Variants in TEX14 observed in about 807,000 individuals in gnomAD.
The protein encoded by TEX14 is inactive serine/threonine-protein kinase TEX14.
Under a neutral mutation model 178.6 loss-of-function variants are expected in TEX14, and 168 were observed. The ratio of observed to expected loss-of-function variants is 0.94; its 90% CI spans 0.83 to 1.07. The LOEUF (loss-of-function observed/expected upper bound fraction) is 1.07. Among genes scored for constraint, TEX14 ranks in the 50% least tolerant of loss-of-function variants. The pLI, the probability that TEX14 is intolerant of heterozygous loss-of-function variation, is 0.00. For missense variants in TEX14, 1,730 were observed against 1,753.6 expected, an observed-to-expected ratio of 0.99 and a Z score of 0.24; for synonymous variants, 626 against 634.1, an observed-to-expected ratio of 0.99 and a Z score of 0.19.
Position 58,621,723 on chromosome 17 carries a change from C to A in TEX14, c.481G>T (p.Asp161Tyr). 2.5e-6 allele frequency: 4 copies of A among 1,614,134 alleles called. No individual in the cohort carries two copies. The highest frequency in any genetic ancestry group is 2.5e-6 in the Non-Finnish European group (3 of 1,180,010). The change falls in exon 5 of 32, where the codon GAC (aspartate) becomes TAC (tyrosine). Residue 161 changes from aspartate (D) to tyrosine (Y), a missense_variant. This residue lies in a region of TEX14 where 789 missense variants were observed against 681.2 expected (regional missense o/e 1.16). Transcript: ENST00000349033. ...MQAIIQGFSYDLLKKIDSPQR... is the reference protein window; with the variant it reads ...MQAIIQGFSYYLLKKIDSPQR... Reference sequence around the variant, plus strand: ...GGGGAGTCTATCTTCTTCAGGAGGTCGTAAGAGAAGCCCTGGATGATGGCC... The same window carrying A: ...GGGGAGTCTATCTTCTTCAGGAGGTAGTAAGAGAAGCCCTGGATGATGGCC...
chr17:58,612,431 T>A (rs189544932), intron 9 of TEX14, among the ~76,000 whole-genome samples: 2 of 151,938 alleles, frequency 1.3e-5, no homozygotes, highest in African/African-American at 2.4e-5. Flanking sequence ...TCTATTAAAA[T>A]TTTAAAAATT....
chr17:58,628,668 C>T (rs952366849), intron 3 of TEX14, among the ~76,000 whole-genome samples: 2 of 151,090 alleles, frequency 1.3e-5, no homozygotes. Context: ...GCCGAGATTG[C>T]GCCACTGCAC....
chr17:58,631,802 C>T (rs554200054), intron 2 of TEX14: 7 of 152,008 alleles, frequency 4.6e-5, no homozygotes, highest in Non-Finnish European at 7.4e-5. Context: ...CCTCGAGAAA[C>T]ACACTATAGA....
chr17:58,652,906 T>G (rs528841864), intron 1 of TEX14, among the ~76,000 whole-genome samples: 1 of 152,230 alleles, frequency 6.6e-6, no homozygotes, highest in African/African-American at 2.4e-5. Flanking sequence ...ATCTGTAACA[T>G]GGGGATAATA....
At chr17:58,673,032 G>A (rs576113094) in intron 1 of TEX14, among the ~76,000 whole-genome samples, 3 of 151,838 alleles carry the variant, frequency 2.0e-5, no homozygotes, top group African/African-American at 4.8e-5. Flanking sequence ...ACGCTCAGCC[G>A]GCATTCCTTT....
At chr17:58,577,745 G>A (rs1343749446) in intron 20 of TEX14, among the ~76,000 whole-genome samples, 1 of 152,198 alleles carries the variant, frequency 6.6e-6, no homozygotes, top group African/African-American at 2.4e-5. Flanking sequence ...TATTTCTGAA[G>A]ACAAATGTTG....
chr17:58,682,867 C>T (rs1195468938), intron 1 of TEX14, among the ~76,000 whole-genome samples: 2 of 151,994 alleles, frequency 1.3e-5, no homozygotes, highest in African/African-American at 2.4e-5. Flanking sequence ...TGTTATAATC[C>T]TCACAGAGGT....
At chr17:58,666,660 C>T (rs1202161110) in intron 1 of TEX14, 1 of 152,148 alleles carries the variant, frequency 6.6e-6, no homozygotes, top group Admixed American at 6.6e-5. Context: ...GGAAAAACCA[C>T]CTCCATAATC....
intron 19 of TEX14, chr17:58,581,627 TC>T: frequency 6.2e-7 from 1 of 1,613,900 alleles, no homozygotes; most frequent in Non-Finnish European, 8.5e-7. Flanking sequence ...AGCTAAGTTT[TC>T]TTGAGCAGTC....
chr17:58,652,963 A>AG (rs1396865877), intron 1 of TEX14, among the ~76,000 whole-genome samples: 2 of 152,076 alleles, frequency 1.3e-5, no homozygotes, highest in Non-Finnish European at 2.9e-5. Flanking sequence ...TATGTGACGG[A>AG]GTCTTACTCT....
intron 3 of TEX14, among the ~76,000 whole-genome samples, chr17:58,623,530 CTACACCTCAGAAAAAT>C (rs2046053611): frequency 6.6e-6 from 1 of 152,094 alleles, no homozygotes; most frequent in Non-Finnish European, 1.5e-5. Context: ...AGTCAAGGAT[CTACACCTCAGAAAAAT>C]TTCACCTCAG....
At position 58,651,896 on chromosome 17, in the gene TEX14, A is replaced by T; in HGVS notation, c.106T>A (p.Tyr36Asn). The T allele has an allele frequency of 6.2e-7, 1 of 1,610,114 alleles. No homozygotes were observed. Among genetic ancestry groups the T allele is most frequent in the Non-Finnish European group, 8.5e-7 (1 of 1,179,078 alleles). ...TTAAGAATTTTCTTCACTTTCACAT[A>T]GTTCCCTTGTTTGACATACTCATGA... is the stretch of plus-strand genomic sequence containing the variant. ...QLHEYVKQGN[Y>N]VKVKKILKKG... Residue 36 changes from tyrosine to asparagine, a missense_variant, in exon 2 of 32, where the codon TAT becomes AAT. Physicochemically the swap from Tyr to Asn is moderately radical, Grantham distance 143. This residue lies in a region of TEX14 where 789 missense variants were observed against 681.2 expected (regional missense o/e 1.16). Coordinates refer to ENST00000349033, the MANE Select transcript of TEX14 (RefSeq NM_031272.5).
chr17:58,633,567 C>T (rs887927422), intron 2 of TEX14, among the ~76,000 whole-genome samples: 6 of 152,188 alleles, frequency 3.9e-5, no homozygotes, highest in Non-Finnish European at 8.8e-5. Flanking sequence ...TGGTGGCTCA[C>T]GGCTGTAATC....
At chr17:58,630,296 T>G in intron 3 of TEX14, 144 bp downstream of exon 3, 1 of 561,796 alleles carries the variant, frequency 1.8e-6, no homozygotes, top group Non-Finnish European at 3.2e-6. Context: ...GACCTCGTGA[T>G]CTGCCCGCCT....
intron 15 of TEX14, among the ~76,000 whole-genome samples, chr17:58,588,497 C>T (rs1429036602): frequency 6.6e-6 from 1 of 151,886 alleles, no homozygotes; most frequent in African/African-American, 2.4e-5. Context: ...GTTGCCCAAG[C>T]TGGTCTTGAA....
intron 22 of TEX14, among the ~76,000 whole-genome samples, chr17:58,573,956 CTTATTA>C (rs1328077217): frequency 6.6e-6 from 1 of 152,026 alleles, no homozygotes; most frequent in Admixed American, 6.6e-5. Flanking sequence ...TAAGCGTAAA[CTTATTA>C]TTATTATGAT....
chr17:58,602,499 T>C lies in TEX14; in HGVS notation c.1428A>G (p.Lys476=), dbSNP rs1567729171. The C allele has an allele frequency of 1.2e-6, 2 of 1,614,046 alleles. No individual in the cohort carries two copies. Among genetic ancestry groups the C allele is most frequent in the Non-Finnish European group, 1.7e-6 (2 of 1,180,012 alleles). ...NYLEADVRLP[K]PYYDIVKSGI... is the part of the protein sequence containing the mutation. ...CTGACTTAACAATATCATAGTAAGG[T>C]TTCGGAAGCCTGACATCAGCTTCTA... The change falls in exon 12 of 32, where the codon AAA becomes AAG. Residue 476 remains lysine (K), a synonymous_variant. Transcript: ENST00000349033.
intron 22 of TEX14, 58 bp from the exon 23 acceptor site, chr17:58,573,366 A>G (rs745421212): frequency 1.1e-4 from 164 of 1,555,230 alleles, no homozygotes; most frequent in Non-Finnish European, 1.4e-4. Flanking sequence ...ATCAAACAAT[A>G]TATTCCTGAG....
intron 1 of TEX14, 119 bp from the exon 2 acceptor site, chr17:58,652,121 G>A: frequency 1.4e-6 from 1 of 720,768 alleles, no homozygotes; most frequent in Non-Finnish European, 2.1e-6. Flanking sequence ...AAGATTAGGG[G>A]AATAATTATT....
Sources: gnomAD v4.1 joint callset for allele counts (sites outside exome capture counted in the v4.1 genomes callset) on GRCh38, gnomAD v4.1.1 for gene constraint, gnomAD v4.1.1 regional missense constraint, MANE v1.5 for transcripts, NCBI Gene and HGNC (gene_info 2026-07-23, HGNC 2026-07-21) for gene names.